Variants in SPAG16 observed in about 807,000 individuals in gnomAD.
SPAG16 encodes sperm associated antigen 16.
A neutral mutation model predicts 80.4 loss-of-function variants in SPAG16; 86 were observed. The ratio of observed to expected loss-of-function variants is 1.07; its 90% CI spans 0.90 to 1.28. The LOEUF is 1.28. Ranked by LOEUF, SPAG16 falls within the 50% of genes most tolerant of loss-of-function variation. The pLI is 0.00. For missense variants in SPAG16, 870 were observed against 765.3 expected (o/e 1.14, Z -1.61); for synonymous variants, 294 against 265.9 (o/e 1.11, Z -1.03).
chr2:213,623,193 T>G (rs1412746079), intron 10 of SPAG16, among the ~76,000 whole-genome samples: 1 of 152,212 alleles, frequency 6.6e-6, no homozygotes, highest in Non-Finnish European at 1.5e-5. Context: ...ATTGCTCATG[T>G]AAAATCACTT....
chr2:213,355,036 T>G (rs899860701), intron 7 of SPAG16, among the ~76,000 whole-genome samples: 4 of 152,204 alleles, frequency 2.6e-5, no homozygotes, highest in Admixed American at 1.3e-4. Context: ...GAATTAATTT[T>G]TGTATAAGGT....
chr2:214,254,013 C>A (rs1171802366), intron 15 of SPAG16, among the ~76,000 whole-genome samples: 2 of 152,070 alleles, frequency 1.3e-5, no homozygotes, highest in African/African-American at 4.8e-5. Context: ...TGAAGAGATC[C>A]TTCACATCCC....
chr2:213,651,114 A>G lies in SPAG16; in HGVS notation c.1070+161024A>G, dbSNP rs113514093. 1.5e-3 allele frequency among the ~76,000 whole-genome samples: 227 copies of G among 152,330 alleles called. 1 individual carries two copies. The highest frequency in any genetic ancestry group is 4.4e-3 in the African/African-American group (183 of 41,584). On this transcript the variant is annotated intron_variant, in intron 10 of 15. Transcript: ENST00000331683. Reference sequence around the variant, plus strand: ...ATTATTTTCCTTTGATAACTACTAAATACTGTATCAATAAGAAGCAGAATC... The same window carrying G: ...ATTATTTTCCTTTGATAACTACTAAGTACTGTATCAATAAGAAGCAGAATC...
intron 14 of SPAG16, among the ~76,000 whole-genome samples, chr2:214,139,817 G>T (rs1432761319): frequency 6.6e-6 from 1 of 152,102 alleles, no homozygotes; most frequent in Non-Finnish European, 1.5e-5. Context: ...TTTCCAACCT[G>T]ACTCTAGCAT....
intron 10 of SPAG16, among the ~76,000 whole-genome samples, chr2:213,613,248 C>T (rs553541061): frequency 6.6e-6 from 1 of 152,184 alleles, no homozygotes; most frequent in Non-Finnish European, 1.5e-5. Context: ...CAGAGTAATT[C>T]TATTAAAATA....
chr2:213,360,302 C>T (rs1219152179), intron 7 of SPAG16, among the ~76,000 whole-genome samples: 2 of 152,176 alleles, frequency 1.3e-5, no homozygotes, highest in Non-Finnish European at 2.9e-5. Context: ...AAAATGGGTA[C>T]ACAGGATTGA....
intron 5 of SPAG16, among the ~76,000 whole-genome samples, chr2:213,339,891 T>C (rs1385634197): frequency 6.6e-6 from 1 of 152,200 alleles, no homozygotes; most frequent in Non-Finnish European, 1.5e-5. Flanking sequence ...GGACATGTTC[T>C]GGCAGCATAC....
chr2:213,529,572 T>C (rs2076000881), intron 10 of SPAG16, among the ~76,000 whole-genome samples: 4 of 152,170 alleles, frequency 2.6e-5, no homozygotes, highest in African/African-American at 9.7e-5. Context: ...GGAGTGTACT[T>C]ACACAAACCT....
chr2:213,997,800 C>T (rs550036765), intron 12 of SPAG16, among the ~76,000 whole-genome samples: 1 of 152,140 alleles, frequency 6.6e-6, no homozygotes. Flanking sequence ...TATGTTGGAC[C>T]ACATTCAGAG....
chr2:213,371,638 T>C (rs1198756634), intron 8 of SPAG16, among the ~76,000 whole-genome samples: 1 of 152,116 alleles, frequency 6.6e-6, no homozygotes, highest in Non-Finnish European at 1.5e-5. Flanking sequence ...AATTAAACAT[T>C]ATTTACTTTG....
At chr2:213,758,331 C>T (rs1190164983) in intron 10 of SPAG16, among the ~76,000 whole-genome samples, 1 of 151,904 alleles carries the variant, frequency 6.6e-6, no homozygotes, top group Non-Finnish European at 1.5e-5. Flanking sequence ...AATTAAGAAA[C>T]TATGTCTTGT....
intron 10 of SPAG16, among the ~76,000 whole-genome samples, chr2:213,492,632 A>G (rs1223245823): frequency 1.3e-5 from 2 of 151,754 alleles, no homozygotes; most frequent in Non-Finnish European, 2.9e-5. Context: ...GTAAGTCTAC[A>G]ATACAGTGTT....
At chr2:214,330,301 TAAAG>T (rs962035616) in intron 15 of SPAG16, among the ~76,000 whole-genome samples, 2 of 145,294 alleles carry the variant, frequency 1.4e-5, no homozygotes, top group Non-Finnish European at 3.0e-5. Context: ...GGAAAAGAAA[TAAAG>T]AAAATTGTAT....
At chr2:213,695,835 A>T (rs1017714681) in intron 10 of SPAG16, among the ~76,000 whole-genome samples, 3 of 152,208 alleles carry the variant, frequency 2.0e-5, no homozygotes, top group Non-Finnish European at 4.4e-5. Flanking sequence ...TTAGAAGGTC[A>T]ATCAGGAGCT....
At chr2:213,504,155 A>AG (rs2074866857) in intron 10 of SPAG16, among the ~76,000 whole-genome samples, 1 of 152,222 alleles carries the variant, frequency 6.6e-6, no homozygotes, top group South Asian at 2.1e-4. Flanking sequence ...AGGACTATGC[A>AG]GGGGCTCCAT....
At chr2:213,349,768 AACATTAC>A (rs1039926016) in intron 6 of SPAG16, among the ~76,000 whole-genome samples, 6 of 152,284 alleles carry the variant, frequency 3.9e-5, no homozygotes, top group African/African-American at 1.4e-4. Flanking sequence ...AATCTAAAGA[AACATTAC>A]ACTGAGTGAA....
chr2:214,410,072 A>T, intron 15 of SPAG16, 68 bp from the exon 16 acceptor site: 7 of 1,565,748 alleles, frequency 4.5e-6, no homozygotes, highest in Non-Finnish European at 6.1e-6. Flanking sequence ...TTCATTGCTT[A>T]TAAACTGTGA....
At chr2:214,252,329 G>T (rs1409136297) in intron 15 of SPAG16, among the ~76,000 whole-genome samples, 2 of 151,642 alleles carry the variant, frequency 1.3e-5, no homozygotes, top group Admixed American at 1.3e-4. Context: ...AAGTTCTGGG[G>T]TACATGTGCA....
intron 15 of SPAG16, among the ~76,000 whole-genome samples, chr2:214,370,017 TG>T (rs1178157495): frequency 1.3e-5 from 2 of 152,130 alleles, no homozygotes; most frequent in African/African-American, 4.8e-5. Context: ...ATCTGGTCAT[TG>T]GCAAATGCTG....
Sources: allele counts gnomAD v4.1 joint callset (sites outside exome capture counted in the v4.1 genomes callset), GRCh38; gene constraint gnomAD v4.1.1; transcripts MANE v1.5; gene names NCBI Gene and HGNC (gene_info 2026-07-23, HGNC 2026-07-21).